Variants in MTO1 observed in about 807,000 individuals in gnomAD.
MTO1 encodes the protein mitochondrial tRNA translation optimization 1.
MTO1 carries 46 observed loss-of-function variants against 71.6 expected under a neutral mutation model. That is an observed-to-expected ratio of 0.64 (90% CI 0.51 to 0.82). MTO1 has a LOEUF of 0.82. MTO1 is among the 40% of genes least tolerant of loss of function. The pLI is 0.00. For missense variants in MTO1, 773 were observed against 867.5 expected (o/e 0.89, Z 1.37); for synonymous variants, 297 against 312.1 (o/e 0.95, Z 0.51).
Position 73,461,943 on chromosome 6 carries a change from C to T in MTO1, c.89C>T (p.Ala30Val). Residue 30 changes from alanine to valine, a missense_variant, in exon 1 of 12, where the codon GCG becomes GTG. By Grantham distance (64) the Ala-to-Val change is moderately conservative (BLOSUM62 0). Coordinates refer to ENST00000498286, the MANE Select transcript of MTO1 (RefSeq NM_012123.4). ...FPLARLSSDS[A>V]APRTPHFDVI... ...TTGGCACGGTTGAGCAGTGACAGCG[C>T]GGCGCCCCGGACTCCGCACTTCGAC... 2 of 1,614,262 alleles carry T rather than the reference C, an allele frequency of 1.2e-6. No individual in the cohort carries two copies. Among genetic ancestry groups the T allele is most frequent in the Non-Finnish European group, 1.7e-6 (2 of 1,180,054 alleles).
Position 73,492,175 on chromosome 6 carries a change from C to A in MTO1, c.1638-59C>A. 3.0e-6 allele frequency: 3 copies of A among 1,016,856 alleles called. No individual in the cohort carries two copies. The South Asian group carries it at 4.1e-5, about 14-fold the overall frequency. The allele number at this position is 1,016,856 out of a possible 1,614,324, so 63.0% of individuals were successfully genotyped here. A position where few individuals can be genotyped will look rare whatever the true frequency, so the allele number is the denominator to read the frequency against. On this transcript the variant is annotated intron_variant, in intron 9 of 11. Coordinates refer to ENST00000498286, the MANE Select transcript of MTO1 (RefSeq NM_012123.4). Reference sequence around the variant, plus strand: ...TGATATTATTTCAAAGAATCTTGTTCTTGATCTGCCTTATATGACATGGAT... The same window carrying A: ...TGATATTATTTCAAAGAATCTTGTTATTGATCTGCCTTATATGACATGGAT...
In MTO1 at chr6:73,482,494, C is replaced by T; in HGVS notation, c.1511C>T (p.Ala504Val). 3 of 1,613,368 alleles carry T rather than the reference C, an allele frequency of 1.9e-6. No individual in the cohort carries two copies. The highest frequency in any genetic ancestry group is 1.1e-5 in the South Asian group (1 of 91,050). Residue 504 changes from alanine (A) to valine (V), a missense_variant, in exon 9 of 12, where the codon GCT (alanine) becomes GTT (valine). Ala to Val is a moderately conservative substitution (Grantham distance 64). Transcript: ENST00000498286. ...GCVSQQRYER[A>V]CWMKSSLEEG... ...GTGTCCCAACAACGATATGAAAGAG[C>T]TTGTTGGATGAAGTCTTCTTTAGAA... is the stretch of plus-strand genomic sequence containing the variant.
chr6:73,480,859 C>T (rs1771469269), intron 7 of MTO1, 54 bp downstream of exon 7: 1 of 1,562,148 alleles, frequency 6.4e-7, no homozygotes, highest in African/African-American at 1.4e-5. Context: ...ACTGGTATTT[C>T]TCCTTTTAAT....
At chr6:73,472,446 A>G (rs987520457) in intron 3 of MTO1, among the ~76,000 whole-genome samples, 1 of 152,178 alleles carries the variant, frequency 6.6e-6, no homozygotes, top group Non-Finnish European at 1.5e-5. Flanking sequence ...TAGTGCTGAT[A>G]TGATTTTAGG....
At chr6:73,463,178 C>T (rs1275026015) in intron 1 of MTO1, among the ~76,000 whole-genome samples, 1 of 151,990 alleles carries the variant, frequency 6.6e-6, no homozygotes, top group Non-Finnish European at 1.5e-5. Flanking sequence ...CACCCACCAC[C>T]ACGCCCGGCT....
chr6:73,476,378 C>CAAAAA (rs869185503), intron 4 of MTO1, among the ~76,000 whole-genome samples: 4 of 62,880 alleles, frequency 6.4e-5, no homozygotes, highest in Non-Finnish European at 1.0e-4. Flanking sequence ...GACTCCATCT[C>CAAAAA]AAAAAAAAAA....
Position 73,508,706 on chromosome 6 carries a change from T to C in MTO1, c.*7971T>C, listed in dbSNP as rs1045060022. On this transcript the variant is annotated 3_prime_UTR_variant, in exon 12 of 12. Transcript: ENST00000498286. ...CCTAACTTCAACATAAAGATAGCTA[T>C]GAGAAAACATTCTTTGTACCCAACC... 1 of 152,178 alleles carries C rather than the reference T, an allele frequency of 6.6e-6. No homozygotes were observed. Among genetic ancestry groups the C allele is most frequent in the South Asian group, 2.1e-4 (1 of 4,828 alleles). 9.4% of individuals were successfully genotyped at this position (152,178 alleles called of 1,614,324 possible). A position where few individuals can be genotyped will look rare whatever the true frequency, so the allele number is the denominator to read the frequency against.
chr6:73,473,769 T>A, intron 4 of MTO1, 115 bp downstream of exon 4: 4 of 799,526 alleles, frequency 5.0e-6, no homozygotes, highest in Non-Finnish European at 7.6e-6. Flanking sequence ...CACTATTGCT[T>A]ATAGTGCAAA....
chr6:73,468,839 C>T (rs183308865), intron 3 of MTO1, among the ~76,000 whole-genome samples: 22 of 152,214 alleles, frequency 1.4e-4, no homozygotes, highest in African/African-American at 5.1e-4. Context: ...AACTCCTGAC[C>T]TCAAGTGATC....
chr6:73,492,261 A>G lies in MTO1; in HGVS notation c.1665A>G (p.Glu555=). ...CTCTCGATGTTCTGAAGTATGAGGA[A>G]GTTGACATGGATTCATTAGCCAAGG... is the stretch of plus-strand genomic sequence containing the variant. ...VRALDVLKYE[E]VDMDSLAKAV... Residue 555 remains glutamate (E), a synonymous_variant, in exon 10 of 12, where the codon GAA becomes GAG. Coordinates refer to ENST00000498286, the MANE Select transcript of MTO1 (RefSeq NM_012123.4). 6.2e-7 allele frequency: 1 copy of G among 1,613,552 alleles called. No individual in the cohort carries two copies. Among genetic ancestry groups the G allele is most frequent in the Non-Finnish European group, 8.5e-7 (1 of 1,179,474 alleles).
chr6:73,483,149 C>G (rs1428881277), intron 9 of MTO1, among the ~76,000 whole-genome samples: 2 of 152,108 alleles, frequency 1.3e-5, no homozygotes, highest in East Asian at 3.9e-4. Flanking sequence ...TGGCTCACAC[C>G]TATAATCCCA....
intron 4 of MTO1, among the ~76,000 whole-genome samples, chr6:73,476,302 A>T (rs1172069295): frequency 6.7e-6 from 1 of 149,344 alleles, no homozygotes; most frequent in African/African-American, 2.5e-5. Flanking sequence ...CGAACCTGGG[A>T]GGCAGAGGTT....
At chr6:73,474,846 C>G (rs1480652093) in intron 4 of MTO1, among the ~76,000 whole-genome samples, 1 of 151,794 alleles carries the variant, frequency 6.6e-6, no homozygotes, top group Non-Finnish European at 1.5e-5. Context: ...ACCTCCGCCT[C>G]CCAGGTTCAA....
chr6:73,465,648 G>A (rs1690817874), intron 1 of MTO1, among the ~76,000 whole-genome samples: 1 of 151,942 alleles, frequency 6.6e-6, no homozygotes, highest in African/African-American at 2.4e-5. Context: ...AAAGGAAAAG[G>A]CAACCTAGTG....
intron 4 of MTO1, among the ~76,000 whole-genome samples, chr6:73,478,183 T>C (rs921120038): frequency 2.6e-5 from 4 of 151,456 alleles, no homozygotes; most frequent in African/African-American, 9.7e-5. Flanking sequence ...GAGGCAGAGG[T>C]TGCAGTGAGC....
chr6:73,463,756 T>A (rs1041059962), intron 1 of MTO1, among the ~76,000 whole-genome samples: 5 of 152,160 alleles, frequency 3.3e-5, no homozygotes, highest in Non-Finnish European at 7.3e-5. Flanking sequence ...TCTTTCATTT[T>A]TGAGACAGAG....
intron 9 of MTO1, among the ~76,000 whole-genome samples, chr6:73,490,894 G>A (rs1771784764): frequency 1.3e-5 from 2 of 152,202 alleles, no homozygotes; most frequent in East Asian, 3.9e-4. Context: ...CAAGAGGGGA[G>A]ACCTGAGATC....
rs749806427 is a variant in MTO1, at chr6:73,497,736, C to G, written c.1757C>G (p.Ala586Gly). 8 of 1,608,656 alleles carry G rather than the reference C, an allele frequency of 5.0e-6. No homozygotes were observed. The highest frequency in any genetic ancestry group is 6.8e-6 in the Non-Finnish European group (8 of 1,176,094). Residue 586 changes from alanine to glycine, a missense_variant and splice_region_variant, in exon 11 of 12, where the codon GCC (alanine) becomes GGC (glycine). Ala to Gly is a moderately conservative substitution (Grantham distance 60). Coordinates refer to ENST00000498286, the MANE Select transcript of MTO1 (RefSeq NM_012123.4). The part of the protein sequence containing the change: ...RELAERLKIE[A>G]TYESVLFHQL... The stretch of plus-strand genomic sequence containing the variant: ...ACATGATTCTGATTTTGTTGACCAG[C>G]CACTTATGAATCAGTGTTGTTCCAT...
At position 73,466,352 on chromosome 6, in the gene MTO1, G is replaced by C; in HGVS notation, c.361G>C (p.Ala121Pro). The C allele has an allele frequency of 6.2e-7, 1 of 1,614,174 alleles. No homozygotes were observed. The highest frequency in any genetic ancestry group is 8.5e-7 in the Non-Finnish European group (1 of 1,180,042). ...AGTATTAAACCGGCGTAAGGGACCAGCTGTGTGGGGTCTGAGAGCTCAGAT... is the reference window on the plus strand; with the variant it reads ...AGTATTAAACCGGCGTAAGGGACCACCTGTGTGGGGTCTGAGAGCTCAGAT... ...YKVLNRRKGP[A>P]VWGLRAQIDR... The change falls in exon 2 of 12, where the codon GCT becomes CCT. Residue 121 changes from alanine to proline, a missense_variant. Ala to Pro is a conservative substitution (Grantham distance 27). Coordinates refer to ENST00000498286, the MANE Select transcript of MTO1 (RefSeq NM_012123.4).
Sources: allele counts gnomAD v4.1 joint callset (sites outside exome capture counted in the v4.1 genomes callset), GRCh38; gene constraint gnomAD v4.1.1; transcripts MANE v1.5; gene names NCBI Gene and HGNC (gene_info 2026-07-23, HGNC 2026-07-21).